Variants in MICU2 observed in about 807,000 individuals in gnomAD.
The protein encoded by MICU2 is mitochondrial calcium uptake 2, also known as calcium uptake protein 2, mitochondrial.
Under a neutral mutation model 60.4 loss-of-function variants are expected in MICU2, and 64 were observed. The observed-to-expected ratio is 1.06, with a 90% CI of 0.87 to 1.31. The LOEUF (loss-of-function observed/expected upper bound fraction) is 1.31, where lower values mean the gene tolerates loss of function less well. Among genes scored for constraint, MICU2 ranks in the 50% most tolerant of loss-of-function variants. The probability of loss-of-function intolerance (pLI) is 0.00; values close to 1 mark genes in which losing one functional copy is unlikely to be tolerated. For missense variants in MICU2, 569 were observed against 531.0 expected (o/e 1.07, Z -0.70); for synonymous variants, 201 against 175.0 (o/e 1.15, Z -1.17).
intron 4 of MICU2, among the ~76,000 whole-genome samples, chr13:21,536,320 T>C (rs1593331889): frequency 7.5e-6 from 1 of 134,078 alleles, no homozygotes; most frequent in East Asian, 2.2e-4. Context: ...GATAAACTTA[T>C]TCTCAATTTA....
chr13:21,558,229 T>C (rs1434439245), intron 2 of MICU2, among the ~76,000 whole-genome samples: 1 of 152,150 alleles, frequency 6.6e-6, no homozygotes, highest in Non-Finnish European at 1.5e-5. Flanking sequence ...AGGGAGGCAG[T>C]TTTGGGTATG....
At chr13:21,572,102 T>C (rs758544461) in intron 1 of MICU2, among the ~76,000 whole-genome samples, 1 of 152,234 alleles carries the variant, frequency 6.6e-6, no homozygotes, top group Non-Finnish European at 1.5e-5. Context: ...CATTAAATTA[T>C]AAGTGCTAGA....
intron 4 of MICU2, among the ~76,000 whole-genome samples, chr13:21,525,597 T>C (rs1210566662): frequency 1.3e-5 from 2 of 152,036 alleles, no homozygotes; most frequent in Admixed American, 1.3e-4. Context: ...TATTTTCTTT[T>C]TTTTTTTAAC....
chr13:21,526,000 T>A (rs1471185922), intron 4 of MICU2, among the ~76,000 whole-genome samples: 1 of 151,784 alleles, frequency 6.6e-6, no homozygotes, highest in Non-Finnish European at 1.5e-5. Flanking sequence ...AGTGGCACAG[T>A]AGTGGTTCAC....
At chr13:21,548,174 G>C (rs1460569543) in intron 2 of MICU2, among the ~76,000 whole-genome samples, 1 of 152,118 alleles carries the variant, frequency 6.6e-6, no homozygotes, top group African/African-American at 2.4e-5. Context: ...AATAACTCAT[G>C]ATCCATTATA....
rs530769712 is a variant in MICU2, at chr13:21,531,109, C to A, written c.466+8193G>T. 5.4e-5 allele frequency: 51 copies of A among 945,664 alleles called. No homozygotes were observed. The East Asian group carries it at 1.1e-3, about 20-fold the overall frequency. 58.6% of individuals were successfully genotyped at this position (945,664 alleles called of 1,614,324 possible). A position where few individuals can be genotyped will look rare whatever the true frequency, so the allele number is the denominator to read the frequency against. ...CTTGATTTACAACCAAGGCATAGTT[C>A]CCCCTACCTAATTGCCTTTCTTGTG... On this transcript the variant is annotated intron_variant, in intron 4 of 11. Transcript: ENST00000382374.
intron 4 of MICU2, among the ~76,000 whole-genome samples, chr13:21,532,503 C>G (rs946783011): frequency 6.6e-6 from 1 of 152,200 alleles, no homozygotes; most frequent in Non-Finnish European, 1.5e-5. Flanking sequence ...AGTGCTCTTT[C>G]AGGACTGACT....
rs773302521 is a variant in MICU2 at position 21,521,320 on chromosome 13, A to G, written c.522T>C (p.His174=). Residue 174 remains histidine (H), a synonymous_variant, in exon 6 of 12, where the codon CAT becomes CAC. Coordinates refer to ENST00000382374, the MANE Select transcript of MICU2 (RefSeq NM_152726.3). ...LFLLTILTKP[H]SGFHVAFKML... ...TTTTAAAAGCAACATGAAATCCAGAATGGGGTTCTGCAGTGAAGTGAAAAA... is the reference window on the plus strand; with the variant it reads ...TTTTAAAAGCAACATGAAATCCAGAGTGGGGTTCTGCAGTGAAGTGAAAAA... 2 of 1,609,586 alleles carry G rather than the reference A, an allele frequency of 1.2e-6. No individual in the cohort carries two copies. The highest frequency in any genetic ancestry group is 2.2e-5 in the East Asian group (1 of 44,684).
intron 2 of MICU2, among the ~76,000 whole-genome samples, chr13:21,563,702 T>C (rs936382825): frequency 6.6e-6 from 1 of 152,134 alleles, no homozygotes; most frequent in Non-Finnish European, 1.5e-5. Flanking sequence ...TTTTTCTCAG[T>C]CTTTTTGTTC....
In MICU2 at chr13:21,541,251, T is replaced by G. The variant is rs60434759; in HGVS notation, c.359-1563A>C. Among the ~76,000 whole-genome samples the G allele has an allele frequency of 4.6e-3, 695 of 151,556 alleles. 8 individuals are homozygous for G. The highest frequency in any genetic ancestry group is 0.016 in the African/African-American group (657 of 41,148). Reference sequence around the variant, plus strand: ...TCCTTTTTGGTCTTTCAAAAATCTGTTAAAAAAAAAAATCCTTCTACTTGA... The same window carrying G: ...TCCTTTTTGGTCTTTCAAAAATCTGGTAAAAAAAAAAATCCTTCTACTTGA... On this transcript the variant is annotated intron_variant, in intron 2 of 11. Transcript: ENST00000382374.
intron 4 of MICU2, among the ~76,000 whole-genome samples, chr13:21,524,909 A>C (rs1363489509): frequency 6.6e-6 from 1 of 152,150 alleles, no homozygotes; most frequent in Non-Finnish European, 1.5e-5. Context: ...CACTTGGCAT[A>C]ATGTTTTAAA....
At chr13:21,551,738 T>G (rs535610330) in intron 2 of MICU2, among the ~76,000 whole-genome samples, 34 of 152,106 alleles carry the variant, frequency 2.2e-4, no homozygotes, top group African/African-American at 8.2e-4. Flanking sequence ...GTTTCCAGCT[T>G]CATCCATGTC....
chr13:21,529,733 TATC>T (rs1886941533), intron 4 of MICU2, among the ~76,000 whole-genome samples: 1 of 152,218 alleles, frequency 6.6e-6, no homozygotes, highest in African/African-American at 2.4e-5. Flanking sequence ...AAGTAGATAT[TATC>T]ATCTCTATTT....
chr13:21,588,037 C>T (rs752311756), intron 1 of MICU2, among the ~76,000 whole-genome samples: 7 of 152,064 alleles, frequency 4.6e-5, no homozygotes, highest in Non-Finnish European at 8.8e-5. Flanking sequence ...AATACAGACC[C>T]CAGTGTCAAC....
chr13:21,497,727 AAAAGTAAAC>A (rs1886037153), intron 9 of MICU2, among the ~76,000 whole-genome samples: 1 of 152,106 alleles, frequency 6.6e-6, no homozygotes, highest in South Asian at 2.1e-4. Context: ...CAAACAAAAC[AAAAGTAAAC>A]AAAGTATGAA....
intron 7 of MICU2, among the ~76,000 whole-genome samples, chr13:21,510,971 G>A (rs1304557250): frequency 1.3e-5 from 2 of 152,202 alleles, no homozygotes; most frequent in East Asian, 1.9e-4. Context: ...CTGGAGCTTG[G>A]TGGGACTTGA....
intron 2 of MICU2, among the ~76,000 whole-genome samples, chr13:21,552,910 C>T (rs1414603330): frequency 7.2e-5 from 11 of 152,236 alleles, no homozygotes; most frequent in African/African-American, 1.9e-4. Context: ...CTTCGCAATG[C>T]GGGCTCTTTT....
At chr13:21,574,998 G>GTC (rs1888190293) in intron 1 of MICU2, among the ~76,000 whole-genome samples, 1 of 152,312 alleles carries the variant, frequency 6.6e-6, no homozygotes, top group East Asian at 1.9e-4. Flanking sequence ...TGAGACAACT[G>GTC]TCATTCCTGG....
intron 2 of MICU2, among the ~76,000 whole-genome samples, chr13:21,550,021 G>C (rs1887514043): frequency 6.6e-6 from 1 of 152,128 alleles, no homozygotes; most frequent in African/African-American, 2.4e-5. Context: ...CTTTTAAAGG[G>C]TAGGGCTAGC....
Sources: gnomAD v4.1 joint callset for allele counts (sites outside exome capture counted in the v4.1 genomes callset) on GRCh38, gnomAD v4.1.1 for gene constraint, MANE v1.5 for transcripts, NCBI Gene and HGNC (gene_info 2026-07-23, HGNC 2026-07-21) for gene names.